The following MAD1L1 variants were observed in gnomAD, a reference collection of about 807,000 sequenced individuals.
MAD1L1 encodes the protein mitotic arrest deficient 1 like 1.
A neutral mutation model predicts 96.9 loss-of-function variants in MAD1L1; 95 were observed. The observed-to-expected ratio is 0.98, with a 90% CI of 0.83 to 1.16. The LOEUF (loss-of-function observed/expected upper bound fraction) is 1.16, where lower values mean the gene tolerates loss of function less well. Among genes scored for constraint, MAD1L1 ranks in the 50% most tolerant of loss-of-function variants. MAD1L1 has a pLI of 0.00. For synonymous variants in MAD1L1, 473 were observed against 396.6 expected (o/e 1.19, Z -2.29); for missense variants, 1,007 against 954.4 (o/e 1.06, Z -0.73).
intron 18 of MAD1L1, among the ~76,000 whole-genome samples, chr7:1,887,982 T>C (rs1290142396): frequency 3.3e-5 from 3 of 90,488 alleles, no homozygotes; most frequent in African/African-American, 5.1e-5. Context: ...CATGTGTGTG[T>C]GCATGCATGT....
chr7:1,959,841 C>T (rs1779878972), intron 15 of MAD1L1, among the ~76,000 whole-genome samples: 1 of 152,082 alleles, frequency 6.6e-6, no homozygotes, highest in Non-Finnish European at 1.5e-5. Flanking sequence ...GGCAAATACA[C>T]CCAGATCTGC....
At chr7:2,034,383 A>AT (rs1280969519) in intron 12 of MAD1L1, among the ~76,000 whole-genome samples, 1 of 151,858 alleles carries the variant, frequency 6.6e-6, no homozygotes, top group Non-Finnish European at 1.5e-5. Flanking sequence ...CGCCCAGCTA[A>AT]TTTTTTGTAT....
chr7:2,060,237 C>T (rs1166848572), intron 12 of MAD1L1, among the ~76,000 whole-genome samples: 1 of 142,066 alleles, frequency 7.0e-6, no homozygotes, highest in Non-Finnish European at 1.5e-5. Flanking sequence ...CGAGATACGC[C>T]GATGCCGAGA....
chr7:1,996,451 C>G (rs987741764), intron 14 of MAD1L1, among the ~76,000 whole-genome samples: 1 of 152,234 alleles, frequency 6.6e-6, no homozygotes, highest in Non-Finnish European at 1.5e-5. Context: ...ACACGGACCA[C>G]AGGCTCCTGC....
intron 11 of MAD1L1, among the ~76,000 whole-genome samples, chr7:2,075,717 T>A (rs998606867): frequency 4.6e-5 from 7 of 152,180 alleles, no homozygotes; most frequent in Admixed American, 3.9e-4. Context: ...ACTCCCGGCC[T>A]AAGAATACCG....
intron 9 of MAD1L1, among the ~76,000 whole-genome samples, chr7:2,215,231 A>G (rs1474028154): frequency 6.6e-6 from 1 of 152,026 alleles, no homozygotes; most frequent in Non-Finnish European, 1.5e-5. Context: ...TACAAAAATT[A>G]GCCGGGTGTG....
intron 11 of MAD1L1, among the ~76,000 whole-genome samples, chr7:2,104,925 G>A (rs148272908): frequency 3.9e-5 from 6 of 152,284 alleles, no homozygotes; most frequent in African/African-American, 7.2e-5. Context: ...GACTCTTTCC[G>A]GAGCTCAGGG....
At chr7:1,946,234 G>A (rs1171940594) in intron 16 of MAD1L1, among the ~76,000 whole-genome samples, 1 of 152,202 alleles carries the variant, frequency 6.6e-6, no homozygotes, top group African/African-American at 2.4e-5. Context: ...CAGGCCCAGG[G>A]GGTCAGTGTG....
At chr7:2,060,921 G>A (rs570535012) in intron 12 of MAD1L1, among the ~76,000 whole-genome samples, 1 of 152,234 alleles carries the variant, frequency 6.6e-6, no homozygotes, top group South Asian at 2.1e-4. Flanking sequence ...AACATCAACA[G>A]AGAAATTCCG....
Position 2,167,219 on chromosome 7 carries a change from A to C in MAD1L1, c.987-17981T>G, listed in dbSNP as rs147329649. On this transcript the variant is annotated intron_variant, in intron 10 of 18. Coordinates refer to ENST00000265854, the MANE Select transcript of MAD1L1 (RefSeq NM_001013836.2). ...AAACCAAGGGACTATGACTTCAGAG[A>C]TAACAGGTGACATTCCTGACTGTTC... Among the ~76,000 whole-genome samples the C allele has an allele frequency of 3.9e-5, 6 of 152,328 alleles. No individual in the cohort carries two copies. In the East Asian group the frequency reaches 1.2e-3, roughly 29 times the overall value.
At chr7:1,970,383 G>A (rs913085960) in intron 15 of MAD1L1, among the ~76,000 whole-genome samples, 1 of 143,466 alleles carries the variant, frequency 7.0e-6, no homozygotes, top group African/African-American at 2.6e-5. Context: ...ACCCAGGTTG[G>A]AGTGCAGTGG....
At chr7:2,130,476 CTGG>C (rs1788460617) in intron 11 of MAD1L1, among the ~76,000 whole-genome samples, 1 of 152,164 alleles carries the variant, frequency 6.6e-6, no homozygotes, top group South Asian at 2.1e-4. Context: ...TGCGGCAGGT[CTGG>C]GAAAGGAGAC....
intron 14 of MAD1L1, among the ~76,000 whole-genome samples, chr7:1,993,493 T>A (rs1028046691): frequency 6.6e-6 from 1 of 152,238 alleles, no homozygotes; most frequent in Non-Finnish European, 1.5e-5. Flanking sequence ...AGACACACTC[T>A]GAGGCTCTGC....
rs535970760 is a variant in MAD1L1 at position 2,124,350 on chromosome 7, C to T, written c.1073+24802G>A. Among the ~76,000 whole-genome samples the T allele has an allele frequency of 6.0e-4, 91 of 152,302 alleles. 1 individual carries two copies. In the South Asian group the frequency reaches 0.013, roughly 22 times the overall value. On this transcript the variant is annotated intron_variant, in intron 11 of 18. Coordinates refer to ENST00000265854, the MANE Select transcript of MAD1L1 (RefSeq NM_001013836.2). ...CAGACACGGGGGTGTGGAACTACCA[C>T]GGGGCGTGGAACTGATTTGGGAAGA...
At chr7:1,982,714 G>A (rs978086616) in intron 14 of MAD1L1, among the ~76,000 whole-genome samples, 1 of 152,092 alleles carries the variant, frequency 6.6e-6, no homozygotes, top group Admixed American at 6.6e-5. Context: ...TGTCTACTTT[G>A]GATGACTAGT....
intron 11 of MAD1L1, among the ~76,000 whole-genome samples, chr7:2,110,039 C>T (rs769538772): frequency 1.3e-4 from 20 of 152,394 alleles, no homozygotes; most frequent in Non-Finnish European, 2.1e-4. Flanking sequence ...ATGAGGCCCA[C>T]GCCTTTCCAG....
At chr7:2,130,333 A>C (rs1036025505) in intron 11 of MAD1L1, among the ~76,000 whole-genome samples, 2 of 152,206 alleles carry the variant, frequency 1.3e-5, no homozygotes, top group African/African-American at 4.8e-5. Flanking sequence ...CAAGTCCCCA[A>C]GCCCAGAGCT....
In MAD1L1 at chr7:2,072,280, C is replaced by T. The variant is rs147609326; in HGVS notation, c.1074-2942G>A. Among the ~76,000 whole-genome samples, 1,239 of 152,320 alleles carry T rather than the reference C, an allele frequency of 8.1e-3. 12 individuals carry two copies. The highest frequency in any genetic ancestry group is 0.014 in the Non-Finnish European group (922 of 68,024). ...GCTTGGTGGGTGGGGAAACACCCCA[C>T]ATCTGGTCAGAGTCTTCTGTGTTGA... On this transcript the variant is annotated intron_variant, in intron 11 of 18. Transcript: ENST00000265854.
intron 12 of MAD1L1, among the ~76,000 whole-genome samples, chr7:2,059,636 G>A (rs138100773): frequency 0.014 from 2,049 of 147,302 alleles, 15 homozygotes; most frequent in Non-Finnish European, 0.022. Context: ...GGAGAGGCGC[G>A]GGGCTGGAGA....
Sources: gnomAD v4.1 joint callset for allele counts (sites outside exome capture counted in the v4.1 genomes callset) on GRCh38, gnomAD v4.1.1 for gene constraint, MANE v1.5 for transcripts, NCBI Gene and HGNC (gene_info 2026-07-23, HGNC 2026-07-21) for gene names.